Variants in CFAP299 observed in about 807,000 individuals in gnomAD.
CFAP299 encodes cilia and flagella associated protein 299.
In CFAP299, 21 loss-of-function variants were observed where a neutral mutation model predicts 27.0. The observed-to-expected ratio is 0.78, with a 90% CI of 0.55 to 1.12. CFAP299 has a LOEUF of 1.12. Among genes scored for constraint, CFAP299 ranks in the 50% most tolerant of loss-of-function variants. CFAP299 has a pLI of 0.00. For missense variants in CFAP299, 310 were observed against 276.6 expected, an observed-to-expected ratio of 1.12 and a Z score of -0.86; for synonymous variants, 104 against 98.1, an observed-to-expected ratio of 1.06 and a Z score of -0.36.
At chr4:80,455,267 A>C (rs1729088936) in intron 2 of CFAP299, among the ~76,000 whole-genome samples, 1 of 152,172 alleles carries the variant, frequency 6.6e-6, no homozygotes, top group Non-Finnish European at 1.5e-5. Flanking sequence ...AGTTCCTCCC[A>C]AAATTAGTTT....
At chr4:80,490,313 TA>T (rs1387116252) in intron 2 of CFAP299, among the ~76,000 whole-genome samples, 5 of 152,228 alleles carry the variant, frequency 3.3e-5, no homozygotes, top group South Asian at 2.1e-4. Context: ...GAAAAAAATG[TA>T]TGTCACCAAA....
At chr4:80,449,664 AATTT>A (rs1728805662) in intron 2 of CFAP299, among the ~76,000 whole-genome samples, 1 of 151,698 alleles carries the variant, frequency 6.6e-6, no homozygotes, top group South Asian at 2.1e-4. Flanking sequence ...TATAATGAAT[AATTT>A]ATTAATATTT....
At chr4:80,679,692 G>A (rs1719711554) in intron 3 of CFAP299, among the ~76,000 whole-genome samples, 1 of 148,486 alleles carries the variant, frequency 6.7e-6, no homozygotes, top group Non-Finnish European at 1.5e-5. Context: ...AAATTTTCAA[G>A]TTCTTGTTTG....
rs73829123 is a variant in CFAP299, at chr4:80,777,174, C to A, written c.334-92819C>A. 8.5e-3 allele frequency among the ~76,000 whole-genome samples: 1,291 copies of A among 152,224 alleles called. 17 individuals are homozygous for A. The highest frequency in any genetic ancestry group is 0.029 in the African/African-American group (1,216 of 41,538). On this transcript the variant is annotated intron_variant, in intron 3 of 5. Transcript: ENST00000358105. The stretch of plus-strand genomic sequence containing the variant: ...TAAATTTCCCCTATTCTGCACATTA[C>A]TCTTATAGAGAAGCATTTGTGTTTT...
At chr4:80,433,123 T>G (rs1021639735) in intron 2 of CFAP299, among the ~76,000 whole-genome samples, 1 of 152,136 alleles carries the variant, frequency 6.6e-6, no homozygotes, top group Non-Finnish European at 1.5e-5. Flanking sequence ...GTCCTTAATT[T>G]ATCCTGTTCA....
At chr4:80,343,594 C>G (rs1160995267) in intron 1 of CFAP299, among the ~76,000 whole-genome samples, 5 of 151,928 alleles carry the variant, frequency 3.3e-5, no homozygotes, top group Admixed American at 2.0e-4. Context: ...TCGAGACCAT[C>G]CTGGCTAACA....
At chr4:80,882,109 G>GTCT (rs1733734379) in intron 4 of CFAP299, among the ~76,000 whole-genome samples, 1 of 152,064 alleles carries the variant, frequency 6.6e-6, no homozygotes, top group African/African-American at 2.4e-5. Context: ...AACTTATGCA[G>GTCT]CTCTGCCAAG....
intron 2 of CFAP299, among the ~76,000 whole-genome samples, chr4:80,524,088 G>A (rs1282489738): frequency 1.3e-5 from 2 of 151,882 alleles, no homozygotes; most frequent in East Asian, 3.9e-4. Flanking sequence ...GAAATACTTA[G>A]GACAAACTCT....
At chr4:80,373,774 T>C (rs913061758) in intron 2 of CFAP299, among the ~76,000 whole-genome samples, 4 of 152,200 alleles carry the variant, frequency 2.6e-5, no homozygotes, top group Admixed American at 2.0e-4. Flanking sequence ...TTATGCCCAT[T>C]GTGCTTAGGG....
rs1046662412 is a variant in CFAP299 at position 80,729,766 on chromosome 4, AT to A, written c.334-140218del. On this transcript the variant is annotated intron_variant, in intron 3 of 5. Transcript: ENST00000358105. The stretch of plus-strand genomic sequence containing the variant: ...AGGCGCCTGCCACCACACCTGGCTA[AT>A]TTTTTTTTGTATTTTTCAGTAGAGA... Among the ~76,000 whole-genome samples the A allele has an allele frequency of 2.0e-5, 3 of 149,580 alleles. No homozygotes were observed. In the South Asian group the frequency reaches 6.4e-4, roughly 32 times the overall value.
intron 3 of CFAP299, among the ~76,000 whole-genome samples, chr4:80,712,645 C>T (rs79710596): frequency 0.069 from 10,484 of 152,008 alleles, 813 homozygotes; most frequent in African/African-American, 0.18. Flanking sequence ...ATCAACAACT[C>T]AATATATTAT....
At chr4:80,432,987 T>A (rs1034136461) in intron 2 of CFAP299, among the ~76,000 whole-genome samples, 1 of 152,218 alleles carries the variant, frequency 6.6e-6, no homozygotes, top group Non-Finnish European at 1.5e-5. Context: ...ATATTCCTGA[T>A]AGAGCACTGA....
chr4:80,390,730 T>TATATGTATATATGTATATACACAC (rs1560543525), intron 2 of CFAP299, among the ~76,000 whole-genome samples: 85 of 142,936 alleles, frequency 5.9e-4, no homozygotes, highest in African/African-American at 2.0e-3. Flanking sequence ...CATACATGTA[T>TATATGTATATATGTATATACACAC]ATATGTATAT....
chr4:80,489,722 G>A (rs896151258), intron 2 of CFAP299, among the ~76,000 whole-genome samples: 2 of 152,118 alleles, frequency 1.3e-5, no homozygotes, highest in African/African-American at 4.8e-5. Flanking sequence ...CAGTTTCTCT[G>A]ACTGTTGTAC....
chr4:80,386,649 G>T (rs1725022931), intron 2 of CFAP299: 4 of 1,593,430 alleles, frequency 2.5e-6, no homozygotes, highest in Non-Finnish European at 2.6e-6. Context: ...TAGCCCGTGT[G>T]GGCGCGCAGG....
intron 2 of CFAP299, among the ~76,000 whole-genome samples, chr4:80,427,511 T>A (rs1432237239): frequency 6.6e-6 from 1 of 152,202 alleles, no homozygotes; most frequent in Non-Finnish European, 1.5e-5. Context: ...ACGGACCTTT[T>A]CAGGTTTCAA....
chr4:80,800,157 T>C (rs1283866078), intron 3 of CFAP299, among the ~76,000 whole-genome samples: 1 of 71,312 alleles, frequency 1.4e-5, no homozygotes, highest in Non-Finnish European at 2.3e-5. Context: ...ATTTATATAA[T>C]ATATAATACA....
At chr4:80,534,028 A>G (rs1229776410) in intron 2 of CFAP299, among the ~76,000 whole-genome samples, 2 of 152,120 alleles carry the variant, frequency 1.3e-5, no homozygotes, top group Admixed American at 6.5e-5. Flanking sequence ...GATTATTAGA[A>G]TAGAACACCA....
chr4:80,402,252 G>A lies in CFAP299; in HGVS notation c.242+39368G>A, dbSNP rs142380981. ...GATTTGTTTTGAAATGTGAGGAAAC[G>A]AGATTTGGAGGGGCCAGGGGTGGAA... On this transcript the variant is annotated intron_variant, in intron 2 of 5. Transcript: ENST00000358105. Among the ~76,000 whole-genome samples the A allele has an allele frequency of 6.2e-3, 942 of 152,216 alleles. 2 individuals are homozygous for A. The highest frequency in any genetic ancestry group is 0.024 in the Middle Eastern group (7 of 294).
Sources: allele counts gnomAD v4.1 joint callset (sites outside exome capture counted in the v4.1 genomes callset), GRCh38; gene constraint gnomAD v4.1.1; transcripts MANE v1.5; gene names NCBI Gene and HGNC (gene_info 2026-07-23, HGNC 2026-07-21).